LTBP1: variants seen among roughly 807,000 people sequenced by gnomAD.
The protein encoded by LTBP1 is latent-transforming growth factor beta-binding protein 1.
Under a neutral mutation model 207.6 loss-of-function variants are expected in LTBP1, and 129 were observed. The observed-to-expected ratio is 0.62, with a 90% CI of 0.54 to 0.72. LTBP1 has a LOEUF of 0.72. Among genes scored for constraint, LTBP1 ranks in the 30% least tolerant of loss-of-function variants. The probability of loss-of-function intolerance (pLI) is 0.00; values close to 1 mark genes in which losing one functional copy is unlikely to be tolerated. For synonymous variants in LTBP1, 963 were observed against 833.7 expected (o/e 1.16, Z -2.67); for missense variants, 2,281 against 2,217.2 (o/e 1.03, Z -0.58).
chr2:32,960,341 G>A (rs546999548), intron 2 of LTBP1, among the ~76,000 whole-genome samples: 2 of 152,150 alleles, frequency 1.3e-5, no homozygotes, highest in East Asian at 3.9e-4. Flanking sequence ...TGAGGGTAGG[G>A]ATTATACTAT....
chr2:33,012,242 G>C (rs1305128088), intron 2 of LTBP1, among the ~76,000 whole-genome samples: 1 of 152,138 alleles, frequency 6.6e-6, no homozygotes, highest in Non-Finnish European at 1.5e-5. Context: ...AGTCAAACTT[G>C]GCCACTTGCC....
rs544187812 is a variant in LTBP1 at position 33,134,181 on chromosome 2, G to C, written c.1034-612G>C. ...TTGCCTAAATTCTTATGGAGAAATAGTGCCCTGGAGTTGTGAAAAAGAAAT... is the reference window on the plus strand; with the variant it reads ...TTGCCTAAATTCTTATGGAGAAATACTGCCCTGGAGTTGTGAAAAAGAAAT... On this transcript the variant is annotated intron_variant, in intron 4 of 33. Transcript: ENST00000404816. The surrounding 1 kb of genome is among the most constrained non-coding windows in gnomAD (Gnocchi z 4.4). Among the ~76,000 whole-genome samples the C allele has an allele frequency of 2.4e-4, 37 of 152,342 alleles. No homozygotes were observed. The highest frequency in any genetic ancestry group is 4.1e-4 in the Non-Finnish European group (28 of 68,036).
chr2:33,229,704 C>T (rs1045811523), intron 9 of LTBP1, among the ~76,000 whole-genome samples: 3 of 152,258 alleles, frequency 2.0e-5, no homozygotes, highest in Non-Finnish European at 2.9e-5. Context: ...TTTCCTCTGT[C>T]GGTACGGCTG....
At chr2:33,183,174 C>T (rs1460898369) in intron 5 of LTBP1, among the ~76,000 whole-genome samples, 1 of 152,138 alleles carries the variant, frequency 6.6e-6, no homozygotes, top group Non-Finnish European at 1.5e-5. Context: ...ATGTTAATTC[C>T]TTTGGGAATC....
At chr2:32,990,630 A>G (rs192003772) in intron 2 of LTBP1, among the ~76,000 whole-genome samples, 1 of 152,346 alleles carries the variant, frequency 6.6e-6, no homozygotes, top group East Asian at 1.9e-4. Context: ...GTTTCTAATG[A>G]ATGTTTGATA....
At chr2:33,323,653 CA>C (rs1426451154) in intron 24 of LTBP1, among the ~76,000 whole-genome samples, 7 of 134,642 alleles carry the variant, frequency 5.2e-5, no homozygotes, top group Admixed American at 1.5e-4. Flanking sequence ...AACAAAAAAT[CA>C]TAAGTGGAAC....
chr2:33,125,093 C>G (rs907963728), intron 4 of LTBP1, among the ~76,000 whole-genome samples: 9 of 152,232 alleles, frequency 5.9e-5, no homozygotes, highest in Non-Finnish European at 1.5e-5. Flanking sequence ...GTTTCTCTCT[C>G]CCTCATCCTA....
At position 33,217,701 on chromosome 2, in the gene LTBP1, G is replaced by T. The variant is rs577676968; in HGVS notation, c.1804+47G>T. 6 of 1,322,500 alleles carry T rather than the reference G, an allele frequency of 4.5e-6. No homozygotes were observed. In the African/African-American group the frequency reaches 8.6e-5, roughly 19 times the overall value. 81.9% of individuals were successfully genotyped at this position (1,322,500 alleles called of 1,614,324 possible). On this transcript the variant is annotated intron_variant, in intron 8 of 33. Coordinates refer to ENST00000404816, the MANE Select transcript of LTBP1 (RefSeq NM_206943.4). ...CTTTGCAGGTTAATGTAGCATATCT[G>T]TTTTTTATGATTACTCCTTTAATGA... is the stretch of plus-strand genomic sequence containing the variant.
intron 11 of LTBP1, 40 bp downstream of exon 11, chr2:33,252,884 C>G: frequency 6.5e-7 from 1 of 1,528,272 alleles, no homozygotes; most frequent in African/African-American, 1.4e-5. Context: ...AGATTCCCAG[C>G]CACATGAGTA....
intron 24 of LTBP1, among the ~76,000 whole-genome samples, chr2:33,338,023 A>G (rs1318492487): frequency 4.6e-5 from 7 of 152,260 alleles, no homozygotes; most frequent in Non-Finnish European, 1.0e-4. Flanking sequence ...TAATGAAATA[A>G]TGTTTTTTCT....
At chr2:33,398,223 T>C in intron 33 of LTBP1, 141 bp from the exon 34 acceptor site, 1 of 671,692 alleles carries the variant, frequency 1.5e-6, no homozygotes, top group South Asian at 2.2e-5. Context: ...AAAAGTCATC[T>C]TCGTCTTGTC....
intron 5 of LTBP1, among the ~76,000 whole-genome samples, chr2:33,145,001 G>A (rs953762039): frequency 6.6e-6 from 1 of 152,144 alleles, no homozygotes; most frequent in Non-Finnish European, 1.5e-5. Context: ...GAAGGATAAA[G>A]TTAGTGAGCA....
intron 9 of LTBP1, among the ~76,000 whole-genome samples, chr2:33,240,970 T>C (rs888930303): frequency 2.0e-5 from 3 of 152,184 alleles, no homozygotes; most frequent in African/African-American, 7.2e-5. Context: ...TTAATCACAA[T>C]CTGGGTGGTG....
intron 31 of LTBP1, among the ~76,000 whole-genome samples, chr2:33,370,653 T>C (rs144529490): frequency 5.3e-5 from 8 of 152,336 alleles, no homozygotes; most frequent in African/African-American, 1.7e-4. Context: ...GTTTCTGCCA[T>C]TGAACCTTTT....
intron 2 of LTBP1, among the ~76,000 whole-genome samples, chr2:32,982,237 A>G (rs1572930043): frequency 6.6e-6 from 1 of 152,216 alleles, no homozygotes. Context: ...CACTTAAAAA[A>G]GAGACTGGTG....
At chr2:32,962,423 A>G (rs914815087) in intron 2 of LTBP1, among the ~76,000 whole-genome samples, 4 of 152,248 alleles carry the variant, frequency 2.6e-5, no homozygotes, top group African/African-American at 9.6e-5. Context: ...AATTAAAGGT[A>G]GAGACTGTTT....
intron 2 of LTBP1, among the ~76,000 whole-genome samples, chr2:32,991,582 C>G (rs1684424393): frequency 6.6e-6 from 1 of 152,204 alleles, no homozygotes; most frequent in Non-Finnish European, 1.5e-5. Flanking sequence ...TTGAGTGATA[C>G]ATTGATGCTT....
At chr2:33,262,348 A>G (rs2093037962) in intron 13 of LTBP1, among the ~76,000 whole-genome samples, 2 of 152,212 alleles carry the variant, frequency 1.3e-5, no homozygotes, top group South Asian at 2.1e-4. Flanking sequence ...GCAGAGCCAC[A>G]TGTGAATGAG....
At chr2:33,024,865 C>G (rs1424639214) in intron 3 of LTBP1, among the ~76,000 whole-genome samples, 2 of 152,204 alleles carry the variant, frequency 1.3e-5, no homozygotes, top group Admixed American at 1.3e-4. Context: ...CAGTCTGTGT[C>G]AGGAATCCAG....
Sources: allele counts gnomAD v4.1 joint callset (sites outside exome capture counted in the v4.1 genomes callset), GRCh38; gene constraint gnomAD v4.1.1; non-coding constraint Gnocchi (gnomAD v3.1); transcripts MANE v1.5; gene names NCBI Gene and HGNC (gene_info 2026-07-23, HGNC 2026-07-21).